SPON1: variants seen among roughly 807,000 people sequenced by gnomAD.
SPON1 encodes the protein spondin-1.
A neutral mutation model predicts 111.7 loss-of-function variants in SPON1; 52 were observed. The observed-to-expected ratio is 0.47, with a 90% CI of 0.37 to 0.59. The LOEUF (loss-of-function observed/expected upper bound fraction) is 0.59, where lower values mean the gene tolerates loss of function less well. SPON1 is among the 20% of genes least tolerant of loss of function. SPON1 has a pLI of 0.00. For missense variants in SPON1, 957 were observed against 1,068.5 expected (o/e 0.90, Z 1.46); for synonymous variants, 410 against 395.8 (o/e 1.04, Z -0.43).
chr11:14,234,263 C>T lies in SPON1; in HGVS notation c.826-9069C>T, dbSNP rs554052692. On this transcript the variant is annotated intron_variant, in intron 6 of 15. Transcript: ENST00000576479. The stretch of plus-strand genomic sequence containing the variant: ...TCCTGTTTGGATTTGGCATCACCTA[C>T]GTGATGTTCGAATACCTTCTGCTGT... 4.6e-5 allele frequency among the ~76,000 whole-genome samples: 7 copies of T among 152,310 alleles called. No individual in the cohort carries two copies. The South Asian group carries it at 1.2e-3, about 27-fold the overall frequency.
chr11:14,036,912 T>G (rs201146862), intron 2 of SPON1, among the ~76,000 whole-genome samples: 1 of 77,254 alleles, frequency 1.3e-5, no homozygotes, highest in Non-Finnish European at 3.8e-5. Context: ...GATTAAGCAT[T>G]GCAGAAGCTT....
At chr11:14,198,729 A>C (rs1848428695) in intron 6 of SPON1, among the ~76,000 whole-genome samples, 2 of 152,198 alleles carry the variant, frequency 1.3e-5, no homozygotes, top group African/African-American at 4.8e-5. Context: ...GAGGGTTCTC[A>C]AGTCTCCCAT....
chr11:14,197,305 A>C (rs1284826810), intron 6 of SPON1, among the ~76,000 whole-genome samples: 1 of 151,952 alleles, frequency 6.6e-6, no homozygotes, highest in Non-Finnish European at 1.5e-5. Context: ...AGAGATTCTG[A>C]TCTCCCCCCT....
chr11:14,066,598 C>T (rs782701543), intron 3 of SPON1, among the ~76,000 whole-genome samples: 1 of 152,166 alleles, frequency 6.6e-6, no homozygotes, highest in Non-Finnish European at 1.5e-5. Flanking sequence ...AGGATTTCCG[C>T]TCTTTCCTGA....
At chr11:14,190,887 C>G (rs1470706244) in intron 6 of SPON1, among the ~76,000 whole-genome samples, 1 of 152,070 alleles carries the variant, frequency 6.6e-6, no homozygotes, top group Non-Finnish European at 1.5e-5. Context: ...GATCTACCCA[C>G]CTCGGCCTCC....
rs117460787 is a variant in SPON1, at chr11:14,265,574, G to C, written c.2311G>C (p.Gly771Arg). The change falls in exon 16 of 16, where the codon GGA becomes CGA. Residue 771 changes from glycine to arginine, a missense_variant. Physicochemically the swap from Gly to Arg is moderately radical, Grantham distance 125 (BLOSUM62 -2). Transcript: ENST00000576479. ...CTGGTCAGAATGCACCAAACTGTGC[G>C]GAGGTGGAATTCAGGAACGTTACAT... The part of the protein sequence containing the change: ...TAWSECTKLC[G>R]GGIQERYMTV... 1.9e-6 allele frequency: 3 copies of C among 1,613,654 alleles called. No individual in the cohort carries two copies. Among genetic ancestry groups the C allele is most frequent in the Non-Finnish European group, 2.5e-6 (3 of 1,179,788 alleles).
chr11:14,257,867 G>T lies in SPON1; in HGVS notation c.1461G>T (p.Gln487His). 6.3e-7 allele frequency: 1 copy of T among 1,575,416 alleles called. No homozygotes were observed. Among genetic ancestry groups the T allele is most frequent in the East Asian group, 2.3e-5 (1 of 42,576 alleles). Reference sequence around the variant, plus strand: ...CCTGCCCTGACACCCAGGACTTCCAGCCCTGCATGGGCCCTGGCTGCAGTG... The same window carrying T: ...CCTGCCCTGACACCCAGGACTTCCATCCCTGCATGGGCCCTGGCTGCAGTG... ...SVPCPDTQDF[Q>H]PCMGPGCSDE... Residue 487 changes from glutamine to histidine, a missense_variant, in exon 11 of 16, where the codon CAG becomes CAT. This residue lies in a region of SPON1 where 549 missense variants were observed against 606.2 expected (regional missense o/e 0.91). Coordinates refer to ENST00000576479, the MANE Select transcript of SPON1 (RefSeq NM_006108.4).
chr11:14,059,460 C>A (rs1435289604), intron 3 of SPON1, among the ~76,000 whole-genome samples: 1 of 152,094 alleles, frequency 6.6e-6, no homozygotes, highest in African/African-American at 2.4e-5. Context: ...GTAGACCCCC[C>A]ACTACCCCCT....
At chr11:14,058,253 G>C (rs1848762528) in intron 3 of SPON1, among the ~76,000 whole-genome samples, 1 of 152,100 alleles carries the variant, frequency 6.6e-6, no homozygotes, top group African/African-American at 2.4e-5. Flanking sequence ...TTCCTGTAGT[G>C]TGTGTATACT....
At chr11:14,025,223 C>T (rs1241413027) in intron 2 of SPON1, among the ~76,000 whole-genome samples, 7 of 152,244 alleles carry the variant, frequency 4.6e-5, no homozygotes, top group African/African-American at 1.7e-4. Context: ...CATTCCTCCT[C>T]TTACAGACTC....
intron 9 of SPON1, 75 bp from the exon 10 acceptor site, chr11:14,256,542 G>A: frequency 9.9e-7 from 1 of 1,006,202 alleles, no homozygotes; most frequent in Non-Finnish European, 1.5e-6. Flanking sequence ...TTAGATTTTA[G>A]TCCTCTTTCA....
At chr11:14,106,116 T>C (rs1849182522) in intron 5 of SPON1, among the ~76,000 whole-genome samples, 1 of 152,224 alleles carries the variant, frequency 6.6e-6, no homozygotes, top group African/African-American at 2.4e-5. Context: ...AATTATTATG[T>C]AAGCTCTAAT....
chr11:14,161,268 T>A (rs1190119865), intron 6 of SPON1, among the ~76,000 whole-genome samples: 1 of 43,620 alleles, frequency 2.3e-5, no homozygotes, highest in Non-Finnish European at 5.4e-5. Flanking sequence ...TATTTATATA[T>A]CTGTATATCT....
At chr11:14,227,539 A>T in intron 6 of SPON1, among the ~76,000 whole-genome samples, 1 of 152,220 alleles carries the variant, frequency 6.6e-6, no homozygotes, top group East Asian at 1.9e-4. Flanking sequence ...ATGGATGCAG[A>T]CCACTGACTT....
At chr11:14,155,592 T>A (rs1298207640) in intron 6 of SPON1, among the ~76,000 whole-genome samples, 2 of 151,544 alleles carry the variant, frequency 1.3e-5, no homozygotes, top group Non-Finnish European at 2.9e-5. Context: ...GCTGGTGCGC[T>A]GCACCCACTA....
intron 6 of SPON1, among the ~76,000 whole-genome samples, chr11:14,163,393 C>CT (rs1217278031): frequency 3.3e-5 from 5 of 152,192 alleles, no homozygotes; most frequent in Admixed American, 6.5e-5. Flanking sequence ...TGTCATAGAA[C>CT]TTGGGGGCTG....
At chr11:14,241,980 C>T (rs1361979719) in intron 6 of SPON1, among the ~76,000 whole-genome samples, 4 of 152,042 alleles carry the variant, frequency 2.6e-5, no homozygotes, top group African/African-American at 4.8e-5. Flanking sequence ...GGCTCACCGC[C>T]GCTGCCCTGT....
intron 6 of SPON1, among the ~76,000 whole-genome samples, chr11:14,192,435 A>T (rs1848356129): frequency 6.6e-6 from 1 of 152,226 alleles, no homozygotes; most frequent in Non-Finnish European, 1.5e-5. Flanking sequence ...AGAATTTATT[A>T]TGCATAAAAG....
chr11:14,107,582 A>G (rs1849194607), intron 5 of SPON1, among the ~76,000 whole-genome samples: 1 of 122,150 alleles, frequency 8.2e-6, no homozygotes, highest in Non-Finnish European at 1.7e-5. Context: ...TGAAGGCAAG[A>G]TCCTCAGGAA....
Sources: gnomAD v4.1 joint callset for allele counts (sites outside exome capture counted in the v4.1 genomes callset) on GRCh38, gnomAD v4.1.1 for gene constraint, gnomAD v4.1.1 regional missense constraint, MANE v1.5 for transcripts, NCBI Gene and HGNC (gene_info 2026-07-23, HGNC 2026-07-21) for gene names.